The following AP3B1 variants were observed in gnomAD, a reference collection of about 807,000 sequenced individuals.
AP3B1 encodes AP-3 complex subunit beta-1.
A neutral mutation model predicts 132.5 loss-of-function variants in AP3B1; 61 were observed. That is an observed-to-expected ratio of 0.46 (90% confidence interval 0.37 to 0.57). The LOEUF (loss-of-function observed/expected upper bound fraction) is 0.57, where lower values mean the gene tolerates loss of function less well. AP3B1 is among the 20% of genes least tolerant of loss of function. The probability of loss-of-function intolerance (pLI) is 0.00; values close to 1 mark genes in which losing one functional copy is unlikely to be tolerated. For missense variants in AP3B1, 1,120 were observed against 1,289.4 expected (o/e 0.87, Z 2.01); for synonymous variants, 388 against 438.3 (o/e 0.89, Z 1.43).
chr5:78,124,129 A>G (rs1752358888), intron 17 of AP3B1, among the ~76,000 whole-genome samples: 1 of 152,188 alleles, frequency 6.6e-6, no homozygotes. Flanking sequence ...GTTCTCACTC[A>G]TAGGTGGGAA....
At chr5:78,048,223 G>T (rs375430664) in intron 22 of AP3B1, among the ~76,000 whole-genome samples, 1 of 152,154 alleles carries the variant, frequency 6.6e-6, no homozygotes, top group South Asian at 2.1e-4. Context: ...TCTGATAGCC[G>T]ACAACAAAGT....
At chr5:78,053,683 A>AG in intron 22 of AP3B1, among the ~76,000 whole-genome samples, 1 of 143,194 alleles carries the variant, frequency 7.0e-6, no homozygotes, top group Non-Finnish European at 1.5e-5. Flanking sequence ...CATCTCAAAA[A>AG]AAAAAAAAAA....
At chr5:78,017,058 T>C (rs1199591149) in intron 25 of AP3B1, among the ~76,000 whole-genome samples, 1 of 152,116 alleles carries the variant, frequency 6.6e-6, no homozygotes, top group Non-Finnish European at 1.5e-5. Flanking sequence ...GTCAAGCTCC[T>C]GTAAATGGAA....
At chr5:78,098,342 A>G (rs1750987821) in intron 21 of AP3B1, among the ~76,000 whole-genome samples, 1 of 151,802 alleles carries the variant, frequency 6.6e-6, no homozygotes, top group African/African-American at 2.4e-5. Flanking sequence ...ATAAAAATAT[A>G]CTTTTTTATA....
intron 16 of AP3B1, among the ~76,000 whole-genome samples, chr5:78,128,663 T>A (rs560798882): frequency 6.6e-6 from 1 of 152,274 alleles, no homozygotes; most frequent in East Asian, 1.9e-4. Flanking sequence ...CTGGGACACG[T>A]AAGTCAACTT....
chr5:78,267,513 T>G lies in AP3B1; in HGVS notation c.204+7A>C. The G allele has an allele frequency of 6.2e-7, 1 of 1,602,220 alleles. No homozygotes were observed. Among genetic ancestry groups the G allele is most frequent in the Non-Finnish European group, 8.5e-7 (1 of 1,170,754 alleles). On this transcript the variant is annotated splice_region_variant and intron_variant, in intron 2 of 26. Coordinates refer to ENST00000255194, the MANE Select transcript of AP3B1 (RefSeq NM_003664.5). The stretch of plus-strand genomic sequence containing the variant: ...CCAAAATTGAAGTAAATGAGTATTT[T>G]ACCTACCCCAACAATCCGCTTCATA...
At chr5:78,066,469 T>G (rs551765775) in intron 22 of AP3B1, among the ~76,000 whole-genome samples, 1 of 152,290 alleles carries the variant, frequency 6.6e-6, no homozygotes, top group Non-Finnish European at 1.5e-5. Context: ...GGCAGGAATA[T>G]AAATGACCTG....
chr5:78,183,924 T>C (rs9716929), intron 7 of AP3B1, among the ~76,000 whole-genome samples: 14,992 of 130,296 alleles, frequency 0.12, 1,457 homozygotes, highest in African/African-American at 0.28. Context: ...AATCCCAGCA[T>C]TTTGGGAAGC....
At chr5:78,241,436 ATAT>A (rs1308088135) in intron 2 of AP3B1, among the ~76,000 whole-genome samples, 1 of 152,210 alleles carries the variant, frequency 6.6e-6, no homozygotes, top group Non-Finnish European at 1.5e-5. Context: ...ATATTTAAAA[ATAT>A]TTTTGCTATT....
At chr5:78,284,319 C>T (rs946175829) in intron 1 of AP3B1, among the ~76,000 whole-genome samples, 17 of 152,200 alleles carry the variant, frequency 1.1e-4, no homozygotes, top group African/African-American at 3.6e-4. Flanking sequence ...CTCATCAGTG[C>T]TACTATCTAA....
At chr5:78,249,005 C>T (rs1747504720) in intron 2 of AP3B1, among the ~76,000 whole-genome samples, 2 of 152,010 alleles carry the variant, frequency 1.3e-5, no homozygotes, top group South Asian at 2.1e-4. Flanking sequence ...TGTGTTTATG[C>T]GTGGTTTTCT....
At chr5:78,243,916 A>G (rs910901849) in intron 2 of AP3B1, among the ~76,000 whole-genome samples, 2 of 152,232 alleles carry the variant, frequency 1.3e-5, no homozygotes, top group African/African-American at 4.8e-5. Context: ...AGACATCATT[A>G]AATATTTAGC....
intron 25 of AP3B1, chr5:78,015,829 A>G: frequency 2.6e-6 from 1 of 378,364 alleles, no homozygotes; most frequent in Non-Finnish European, 4.9e-6. Context: ...CACATATGAA[A>G]TATCAATTTC....
At chr5:78,076,914 T>C (rs569719356) in intron 22 of AP3B1, among the ~76,000 whole-genome samples, 1 of 152,336 alleles carries the variant, frequency 6.6e-6, no homozygotes, top group East Asian at 1.9e-4. Flanking sequence ...GGTTCTAATT[T>C]GAATCATTTT....
intron 2 of AP3B1, among the ~76,000 whole-genome samples, chr5:78,250,029 A>G (rs1281524433): frequency 6.6e-6 from 1 of 152,224 alleles, no homozygotes; most frequent in Non-Finnish European, 1.5e-5. Flanking sequence ...CTGCAGGGGT[A>G]TGGTTCACAT....
At chr5:78,165,299 A>G (rs774927499) in intron 12 of AP3B1, among the ~76,000 whole-genome samples, 11 of 152,194 alleles carry the variant, frequency 7.2e-5, no homozygotes, top group Non-Finnish European at 1.3e-4. Context: ...ACCACAGAAT[A>G]TAGAAAGGAC....
At chr5:78,053,678 CA>C (rs1166305470) in intron 22 of AP3B1, among the ~76,000 whole-genome samples, 1,658 of 75,544 alleles carry the variant, frequency 0.022, 26 homozygotes, top group African/African-American at 0.072. Flanking sequence ...GACTCCATCT[CA>C]AAAAAAAAAA....
intron 22 of AP3B1, among the ~76,000 whole-genome samples, chr5:78,075,898 G>A (rs1012896160): frequency 1.3e-5 from 2 of 152,144 alleles, no homozygotes; most frequent in African/African-American, 4.8e-5. Context: ...GGTCCTCAAT[G>A]GTAATTCAAG....
At chr5:78,059,795 G>C (rs1346356562) in intron 22 of AP3B1, among the ~76,000 whole-genome samples, 1 of 151,988 alleles carries the variant, frequency 6.6e-6, no homozygotes, top group Non-Finnish European at 1.5e-5. Context: ...TTAAATTGAG[G>C]CTTCAATTTA....
Sources: allele counts gnomAD v4.1 joint callset (sites outside exome capture counted in the v4.1 genomes callset), GRCh38; gene constraint gnomAD v4.1.1; transcripts MANE v1.5; gene names NCBI Gene and HGNC (gene_info 2026-07-23, HGNC 2026-07-21).